The following ZBP1 variants were observed in gnomAD, a reference collection of about 807,000 sequenced individuals.
ZBP1 encodes Z-DNA-binding protein 1.
ZBP1 carries 42 observed loss-of-function variants against 41.1 expected under a neutral mutation model. The observed-to-expected ratio is 1.02, with a 90% confidence interval of 0.80 to 1.32. ZBP1 has a LOEUF of 1.32. Ranked by LOEUF, ZBP1 falls within the 40% of genes most tolerant of loss-of-function variation. The pLI is 0.00. For synonymous variants in ZBP1, 214 were observed against 205.2 expected, an observed-to-expected ratio of 1.04 and a Z score of -0.37; for missense variants, 562 against 549.7, an observed-to-expected ratio of 1.02 and a Z score of -0.22.
chr20:57,613,103 C>A lies in ZBP1; in HGVS notation c.670+60G>T. 6.2e-7 allele frequency: 1 copy of A among 1,605,798 alleles called. No homozygotes were observed. Among genetic ancestry groups the A allele is most frequent in the Non-Finnish European group, 8.5e-7 (1 of 1,175,572 alleles). Reference sequence around the variant, plus strand: ...CCCCATCCCTACCCTTTGCCCCCACCCAGAGGATCCGGTGGCTCCCCACCG... The same window carrying A: ...CCCCATCCCTACCCTTTGCCCCCACACAGAGGATCCGGTGGCTCCCCACCG... On this transcript the variant is annotated intron_variant, in intron 5 of 7. Coordinates refer to ENST00000371173, the MANE Select transcript of ZBP1 (RefSeq NM_030776.3). The surrounding 1 kb of genome is among the most constrained non-coding windows in gnomAD (Gnocchi z 4.5).
chr20:57,619,605 G>T (rs900095661), intron 1 of ZBP1, among the ~76,000 whole-genome samples: 1 of 152,130 alleles, frequency 6.6e-6, no homozygotes, highest in Admixed American at 6.5e-5. Context: ...AAAGCAAACC[G>T]CTTTGTTCTC....
intron 7 of ZBP1, among the ~76,000 whole-genome samples, chr20:57,607,476 T>A (rs909905631): frequency 6.6e-6 from 1 of 152,206 alleles, no homozygotes; most frequent in Non-Finnish European, 1.5e-5. Flanking sequence ...CTGCGAACAT[T>A]CTTGAAATGA....
intron 1 of ZBP1, 91 bp downstream of exon 1, chr20:57,620,171 A>G: frequency 3.4e-6 from 5 of 1,458,670 alleles, no homozygotes; most frequent in Non-Finnish European, 4.7e-6. Flanking sequence ...TATTGTCATC[A>G]TGATCTGGAC....
intron 7 of ZBP1, chr20:57,606,911 A>ATT: frequency 1.0e-6 from 1 of 970,118 alleles, no homozygotes. Flanking sequence ...CCAAAAAAAA[A>ATT]TTTTTTTTTT....
At chr20:57,606,186 C>G (rs1405999846) in intron 7 of ZBP1, among the ~76,000 whole-genome samples, 3 of 152,246 alleles carry the variant, frequency 2.0e-5, no homozygotes, top group Non-Finnish European at 4.4e-5. Context: ...GAAAGTGAAC[C>G]AGCCTTGTGG....
At chr20:57,611,307 C>T (rs1053915312) in intron 6 of ZBP1, among the ~76,000 whole-genome samples, 4 of 151,730 alleles carry the variant, frequency 2.6e-5, no homozygotes, top group Non-Finnish European at 4.4e-5. Flanking sequence ...TGCAGTGGTG[C>T]GATCTCCGTT....
rs567425056 is a variant in ZBP1, at chr20:57,610,533, C to T, written c.875-166G>A. The T allele has an allele frequency of 7.5e-6, 5 of 669,260 alleles. No homozygotes were observed. The East Asian group carries it at 1.1e-4, about 15-fold the overall frequency. 41.5% of individuals were successfully genotyped at this position (669,260 alleles called of 1,614,324 possible). ...CCCGCCACACCTCCACCCGCCACACCTCCGCTCGTGCTGTTGTGCTGTCTG... is the reference window on the plus strand; with the variant it reads ...CCCGCCACACCTCCACCCGCCACACTTCCGCTCGTGCTGTTGTGCTGTCTG... On this transcript the variant is annotated intron_variant, in intron 6 of 7. Transcript: ENST00000371173. This position sits in a 1 kb window ranked among gnomAD's most constrained non-coding sequence, Gnocchi z 5.5.
In ZBP1 at chr20:57,616,416, C is replaced by T. The variant is rs1486348219; in HGVS notation, c.87G>A (p.Val29=). ...LQVLTEAGSP[V]KLAQLVKECQ... ...ATTCCTTCACCAGCTGGGCAAGTTT[C>T]ACCGGGGAGCCAGCCTCTGTCAGCA... Residue 29 remains valine (V), a synonymous_variant, in exon 2 of 8, where the codon GTG becomes GTA. Transcript: ENST00000371173. 1 of 1,614,082 alleles carries T rather than the reference C, an allele frequency of 6.2e-7. No homozygotes were observed. The highest frequency in any genetic ancestry group is 1.3e-5 in the African/African-American group (1 of 75,068).
chr20:57,615,997 T>A (rs2070813685), intron 2 of ZBP1: 1 of 584,576 alleles, frequency 1.7e-6, no homozygotes, highest in Non-Finnish European at 3.1e-6. Context: ...TTGTTAGTGT[T>A]CTGCAGAGTA....
chr20:57,608,469 G>A lies in ZBP1; in HGVS notation c.1093+1680C>T, dbSNP rs576627513. ...CAGTGCTGTGTTCTTTCCGGAAAGA[G>A]AAGTCTTCAATGGTCTGGCTTGAGA... On this transcript the variant is annotated intron_variant, in intron 7 of 7. Transcript: ENST00000371173. Among the ~76,000 whole-genome samples the A allele has an allele frequency of 9.2e-5, 14 of 152,352 alleles. No individual in the cohort carries two copies. The East Asian group carries it at 2.3e-3, about 25-fold the overall frequency.
rs2070715305 is a variant in ZBP1, at chr20:57,613,025, C to A, written c.670+138G>T. On this transcript the variant is annotated intron_variant, in intron 5 of 7. Transcript: ENST00000371173. This position sits in a 1 kb window ranked among gnomAD's most constrained non-coding sequence, Gnocchi z 4.5. ...TTCTCAGGACGGCCGTAAAGGTGGA[C>A]TGTGGGGGTCTGGAAGCAACCCTTT... 1.3e-6 allele frequency: 2 copies of A among 1,510,120 alleles called. No homozygotes were observed. The highest frequency in any genetic ancestry group is 8.9e-7 in the Non-Finnish European group (1 of 1,129,558). 93.5% of individuals were successfully genotyped at this position (1,510,120 alleles called of 1,614,324 possible).
rs985532762 is a variant in ZBP1 at position 57,610,102 on chromosome 20, G to C, written c.1093+47C>G. ...TGAATGAATGAATGAGTGGAAGGTG[G>C]GGAGAGAGAGAGAACACACAGGGGT... On this transcript the variant is annotated intron_variant, in intron 7 of 7. Coordinates refer to ENST00000371173, the MANE Select transcript of ZBP1 (RefSeq NM_030776.3). The surrounding 1 kb of genome is among the most constrained non-coding windows in gnomAD (Gnocchi z 5.5). 6.5e-7 allele frequency: 1 copy of C among 1,534,964 alleles called. No individual in the cohort carries two copies. The highest frequency in any genetic ancestry group is 1.4e-5 in the African/African-American group (1 of 73,130).
Position 57,614,886 on chromosome 20 carries a change from C to A in ZBP1, c.502+1G>T, listed in dbSNP as rs2070774961. 1.9e-6 allele frequency: 3 copies of A among 1,614,118 alleles called. No homozygotes were observed. The highest frequency in any genetic ancestry group is 2.7e-5 in the African/African-American group (2 of 75,052). On this transcript the variant is annotated splice_donor_variant, in intron 4 of 7. Coordinates refer to ENST00000371173, the MANE Select transcript of ZBP1 (RefSeq NM_030776.3). LOFTEE classifies it high-confidence loss of function. Reference sequence around the variant, plus strand: ...CCAGACACAGGCAGCCGGGGGCCTACCTGGGCGGTAAATCGTCCATGCTTT... The same window carrying A: ...CCAGACACAGGCAGCCGGGGGCCTAACTGGGCGGTAAATCGTCCATGCTTT...
chr20:57,613,382 G>T lies in ZBP1; in HGVS notation c.503-52C>A. 6.4e-7 allele frequency: 1 copy of T among 1,574,780 alleles called. No homozygotes were observed. Among genetic ancestry groups the T allele is most frequent in the Non-Finnish European group, 8.6e-7 (1 of 1,158,400 alleles). ...CTTTGCCACTGTCTATGGGTCAGGG[G>T]TTCCCAATACCAGTCGGCAGCACCA... On this transcript the variant is annotated intron_variant, in intron 4 of 7. Transcript: ENST00000371173. The surrounding 1 kb of genome is among the most constrained non-coding windows in gnomAD (Gnocchi z 4.5).
intron 7 of ZBP1, among the ~76,000 whole-genome samples, chr20:57,605,105 C>CGAACA (rs1555871686): frequency 1.3e-5 from 2 of 150,226 alleles, no homozygotes; most frequent in African/African-American, 4.9e-5. Flanking sequence ...GCAATTTCCT[C>CGAACA]AAACAAAACA....
chr20:57,609,214 G>A (rs998796268), intron 7 of ZBP1, among the ~76,000 whole-genome samples: 4 of 152,140 alleles, frequency 2.6e-5, no homozygotes, highest in African/African-American at 9.6e-5. Context: ...ACCTTGCGTG[G>A]ACCTGCCCAA....
chr20:57,616,071 C>G lies in ZBP1; in HGVS notation c.259+173G>C, dbSNP rs1235743915. 5 of 666,158 alleles carry G rather than the reference C, an allele frequency of 7.5e-6. No individual in the cohort carries two copies. The Admixed American group carries it at 8.4e-5, about 11-fold the overall frequency. 41.3% of individuals were successfully genotyped at this position (666,158 alleles called of 1,614,324 possible). A position where few individuals can be genotyped will look rare whatever the true frequency, so the allele number is the denominator to read the frequency against. On this transcript the variant is annotated intron_variant, in intron 2 of 7. Transcript: ENST00000371173. ...CCTCCTCTCAGCAACCCCTACCAAGCAGCCCTGCTGTGAGCTCCATCAACC... is the reference window on the plus strand; with the variant it reads ...CCTCCTCTCAGCAACCCCTACCAAGGAGCCCTGCTGTGAGCTCCATCAACC...
chr20:57,611,142 C>G (rs905170571), intron 6 of ZBP1, among the ~76,000 whole-genome samples: 6 of 152,236 alleles, frequency 3.9e-5, no homozygotes, highest in African/African-American at 1.4e-4. Context: ...TCACCCTGCT[C>G]CAGTTGGCCC....
rs2070828513 is a variant in ZBP1 at position 57,616,354 on chromosome 20, T to TA, written c.148dup (p.Tyr50LeufsTer23). 1.9e-6 allele frequency: 3 copies of TA among 1,614,088 alleles called. No homozygotes were observed. Among genetic ancestry groups the TA allele is most frequent in the Non-Finnish European group, 2.5e-6 (3 of 1,180,044 alleles). On this transcript the variant is annotated frameshift_variant, in exon 2 of 8. Coordinates refer to ENST00000371173, the MANE Select transcript of ZBP1 (RefSeq NM_030776.3). LOFTEE classifies it high-confidence loss of function. ...GACTTTCAACTCCTTTTTCATTCGG[T>TA]AGAGGACTTGGTTGAGCTCCCTCTT... is the stretch of plus-strand genomic sequence containing the variant.
Sources: gnomAD v4.1 joint callset for allele counts (sites outside exome capture counted in the v4.1 genomes callset) on GRCh38, gnomAD v4.1.1 for gene constraint, Gnocchi (gnomAD v3.1) non-coding constraint, MANE v1.5 for transcripts, NCBI Gene and HGNC (gene_info 2026-07-23, HGNC 2026-07-21) for gene names.